PDE4B: variants seen among roughly 807,000 people sequenced by gnomAD.
PDE4B encodes phosphodiesterase 4B, also known as 3',5'-cyclic-AMP phosphodiesterase 4B.
Under a neutral mutation model 82.2 loss-of-function variants are expected in PDE4B, and 20 were observed. That is an observed-to-expected ratio of 0.24 (90% CI 0.17 to 0.35). PDE4B has a LOEUF of 0.35. Ranked by LOEUF, PDE4B falls within the 10% of genes least tolerant of loss-of-function variation. The pLI is 1.00. For synonymous variants in PDE4B, 320 were observed against 318.9 expected, an observed-to-expected ratio of 1.00 and a Z score of -0.04; for missense variants, 655 against 907.2, an observed-to-expected ratio of 0.72 and a Z score of 3.57.
chr1:66,007,232 G>A (rs1213234484), intron 3 of PDE4B, among the ~76,000 whole-genome samples: 1 of 152,062 alleles, frequency 6.6e-6, no homozygotes. Context: ...ATCATTTGAG[G>A]TCAGGCATTC....
At chr1:65,915,920 G>A (rs917927954) in intron 2 of PDE4B, among the ~76,000 whole-genome samples, 1 of 152,092 alleles carries the variant, frequency 6.6e-6, no homozygotes, top group Non-Finnish European at 1.5e-5. Context: ...ATTTCCAGAG[G>A]TAACATTCAA....
intron 7 of PDE4B, among the ~76,000 whole-genome samples, chr1:66,294,387 C>G (rs187170962): frequency 6.6e-6 from 1 of 152,224 alleles, no homozygotes. Flanking sequence ...TATGTATGTG[C>G]TGACCCACAA....
chr1:65,825,767 C>T (rs1158466847), intron 1 of PDE4B, among the ~76,000 whole-genome samples: 2 of 149,298 alleles, frequency 1.3e-5, no homozygotes, highest in Non-Finnish European at 3.0e-5. Context: ...TCTCAACATT[C>T]TCTTGGTGAG....
At chr1:66,320,016 T>C (rs925272098) in intron 7 of PDE4B, among the ~76,000 whole-genome samples, 3 of 152,160 alleles carry the variant, frequency 2.0e-5, no homozygotes, top group African/African-American at 7.2e-5. Flanking sequence ...TCTAACCAAC[T>C]AGAACTCTCA....
chr1:65,936,535 G>A (rs1648148751), intron 3 of PDE4B, among the ~76,000 whole-genome samples: 1 of 152,186 alleles, frequency 6.6e-6, no homozygotes, highest in Non-Finnish European at 1.5e-5. Flanking sequence ...GAGAACCTCA[G>A]TTCCCAAGGT....
chr1:66,052,088 A>G (rs2100864832), intron 3 of PDE4B, among the ~76,000 whole-genome samples: 1 of 152,242 alleles, frequency 6.6e-6, no homozygotes, highest in East Asian at 1.9e-4. Context: ...GTTGAGTCCA[A>G]CAAGACAGTT....
chr1:65,901,356 A>G (rs1476282639), intron 1 of PDE4B, among the ~76,000 whole-genome samples: 2 of 152,022 alleles, frequency 1.3e-5, no homozygotes, highest in Non-Finnish European at 2.9e-5. Context: ...TCAGTTTGCT[A>G]TATTTTGTTG....
chr1:66,327,425 C>A (rs1480711501), intron 7 of PDE4B, among the ~76,000 whole-genome samples: 1 of 152,202 alleles, frequency 6.6e-6, no homozygotes, highest in Non-Finnish European at 1.5e-5. Context: ...TGATCTCTGA[C>A]TGCTAAAAAT....
At chr1:65,802,447 C>A (rs1301513427) in intron 1 of PDE4B, among the ~76,000 whole-genome samples, 2 of 152,186 alleles carry the variant, frequency 1.3e-5, no homozygotes, top group African/African-American at 4.8e-5. Flanking sequence ...TGGGAAGTTG[C>A]ATCTGGTAGA....
intron 3 of PDE4B, among the ~76,000 whole-genome samples, chr1:66,106,000 G>T (rs576871670): frequency 3.9e-5 from 6 of 152,006 alleles, no homozygotes; most frequent in South Asian, 4.2e-4. Context: ...GTGAGAGAGG[G>T]CATCCCTGTC....
chr1:65,919,019 C>T (rs1647193711), intron 3 of PDE4B, among the ~76,000 whole-genome samples, 184 bp downstream of exon 3: 1 of 152,110 alleles, frequency 6.6e-6, no homozygotes, highest in South Asian at 2.1e-4. Context: ...TTTTCTAGTT[C>T]TTCAGAGTGG....
chr1:66,207,977 C>T (rs1320302353), intron 3 of PDE4B, among the ~76,000 whole-genome samples: 1 of 152,238 alleles, frequency 6.6e-6, no homozygotes, highest in East Asian at 1.9e-4. Flanking sequence ...TAAAATGTGA[C>T]TTCTTTATCT....
At chr1:66,145,998 A>G (rs1646260686) in intron 3 of PDE4B, among the ~76,000 whole-genome samples, 1 of 152,190 alleles carries the variant, frequency 6.6e-6, no homozygotes, top group African/African-American at 2.4e-5. Context: ...CACAAAAGTC[A>G]GTCAGGACAG....
chr1:66,204,432 C>A lies in PDE4B; in HGVS notation c.282-43028C>A, dbSNP rs766746898. On this transcript the variant is annotated intron_variant, in intron 3 of 16. Transcript: ENST00000341517. ...ACTGCTGTCTTTTTGTTTGTCTGTG[C>A]CCTGCCCCCATAGGTGGAGCCTACA... 1.1e-3 allele frequency among the ~76,000 whole-genome samples: 165 copies of A among 152,260 alleles called. 1 individual carries two copies. Among genetic ancestry groups the A allele is most frequent in the Non-Finnish European group, 2.1e-3 (142 of 68,042 alleles).
intron 3 of PDE4B, among the ~76,000 whole-genome samples, chr1:66,108,853 TCAAA>T (rs2101045916): frequency 6.6e-6 from 1 of 152,132 alleles, no homozygotes; most frequent in Admixed American, 6.6e-5. Context: ...ACTCATCAAA[TCAAA>T]CAAATGATTT....
At chr1:65,953,297 G>T (rs763654332) in intron 3 of PDE4B, among the ~76,000 whole-genome samples, 1 of 152,058 alleles carries the variant, frequency 6.6e-6, no homozygotes, top group African/African-American at 2.4e-5. Context: ...TATACTCTGG[G>T]TAGGCAGGAT....
At chr1:66,298,739 A>T (rs1339881088) in intron 7 of PDE4B, among the ~76,000 whole-genome samples, 1 of 152,084 alleles carries the variant, frequency 6.6e-6, no homozygotes, top group Non-Finnish European at 1.5e-5. Context: ...ACATTCCCTG[A>T]AAAATTGTGG....
upstream of PDE4B, among the ~76,000 whole-genome samples, chr1:65,792,793 A>G (rs1004287104): frequency 1.3e-5 from 2 of 151,484 alleles, no homozygotes; most frequent in Admixed American, 6.6e-5. Flanking sequence ...TATTCCCCGC[A>G]CCCGGCTGAG....
rs189578750 is a variant in PDE4B, at chr1:66,301,291, A to G, written c.635-31217A>G. Reference sequence around the variant, plus strand: ...CTCATTTGATCAGCAAGTATTTTCCAAGGGCCTCCTGTATTCTCAGCCCTG... The same window carrying G: ...CTCATTTGATCAGCAAGTATTTTCCGAGGGCCTCCTGTATTCTCAGCCCTG... On this transcript the variant is annotated intron_variant, in intron 7 of 16. Coordinates refer to ENST00000341517, the MANE Select transcript of PDE4B (RefSeq NM_002600.4). Among the ~76,000 whole-genome samples the G allele has an allele frequency of 3.6e-3, 544 of 152,246 alleles. 4 individuals are homozygous for G. The highest frequency in any genetic ancestry group is 5.4e-3 in the Admixed American group (82 of 15,288).
Sources: allele counts gnomAD v4.1 joint callset (sites outside exome capture counted in the v4.1 genomes callset), GRCh38; gene constraint gnomAD v4.1.1; transcripts MANE v1.5; gene names NCBI Gene and HGNC (gene_info 2026-07-23, HGNC 2026-07-21).